The following ULK4 variants were observed in gnomAD, a reference collection of about 807,000 sequenced individuals.
The protein encoded by ULK4 is unc-51 like kinase 4.
Under a neutral mutation model 160.6 loss-of-function variants are expected in ULK4, and 133 were observed. The ratio of observed to expected loss-of-function variants is 0.83; its 90% CI spans 0.72 to 0.96. ULK4 has a LOEUF of 0.96. ULK4 is among the 40% of genes least tolerant of loss of function. ULK4 has a pLI of 0.00. For missense variants in ULK4, 1,580 were observed against 1,499.5 expected (o/e 1.05, Z -0.89); for synonymous variants, 534 against 539.8 (o/e 0.99, Z 0.15).
intron 17 of ULK4, among the ~76,000 whole-genome samples, chr3:41,862,573 T>C (rs1248496028): frequency 6.6e-6 from 1 of 152,184 alleles, no homozygotes; most frequent in Non-Finnish European, 1.5e-5. Flanking sequence ...TGAAAGGACT[T>C]GGGTGTTGTG....
chr3:41,274,830 C>T (rs577219276), intron 35 of ULK4, among the ~76,000 whole-genome samples: 7 of 152,084 alleles, frequency 4.6e-5, no homozygotes, highest in Non-Finnish European at 7.3e-5. Flanking sequence ...TCATGTATCT[C>T]GTGGATTCAT....
At chr3:41,727,477 G>A (rs1024901934) in intron 22 of ULK4, among the ~76,000 whole-genome samples, 6 of 152,170 alleles carry the variant, frequency 3.9e-5, no homozygotes, top group African/African-American at 9.7e-5. Flanking sequence ...AAAACCTCTC[G>A]ACAGGATGTC....
intron 13 of ULK4, among the ~76,000 whole-genome samples, chr3:41,900,049 T>C (rs770462145): frequency 8.5e-5 from 13 of 152,264 alleles, no homozygotes; most frequent in Non-Finnish European, 1.3e-4. Context: ...TGTGAGTATG[T>C]TGGGGAGCTG....
At chr3:41,822,797 C>T (rs1478663273) in intron 18 of ULK4, among the ~76,000 whole-genome samples, 4 of 146,260 alleles carry the variant, frequency 2.7e-5, no homozygotes, top group African/African-American at 1.0e-4. Context: ...TCTTGGCTCA[C>T]TGCAAGCTCC....
rs76191830 is a variant in ULK4 at position 41,940,375 on chromosome 3, C to A, written c.139-2178G>T. ...ATTAAAGCCTTCTTCCCTGGCAATA[C>A]GTGTCACCTCAGTGATTGGTTTTCT... On this transcript the variant is annotated intron_variant, in intron 2 of 36. Transcript: ENST00000301831. 1.2e-3 allele frequency among the ~76,000 whole-genome samples: 182 copies of A among 152,272 alleles called. 1 individual carries two copies. The East Asian group carries it at 0.024, about 20-fold the overall frequency.
chr3:41,410,502 A>G (rs1228928556), intron 34 of ULK4, among the ~76,000 whole-genome samples: 1 of 152,186 alleles, frequency 6.6e-6, no homozygotes, highest in East Asian at 1.9e-4. Context: ...GTGATTGACT[A>G]GAGTTGTAGA....
At chr3:41,475,803 C>T (rs936375123) in intron 32 of ULK4, among the ~76,000 whole-genome samples, 5 of 151,896 alleles carry the variant, frequency 3.3e-5, no homozygotes, top group Non-Finnish European at 5.9e-5. Flanking sequence ...TTCCCACATA[C>T]CATGTAAGTG....
At chr3:41,568,515 T>C (rs1691989) in intron 31 of ULK4, among the ~76,000 whole-genome samples, 85,255 of 152,102 alleles carry the variant, frequency 0.56, 26,616 homozygotes, top group Admixed American at 0.7. Flanking sequence ...TAACCTTGTC[T>C]ACCCATTTTA....
chr3:41,492,099 T>C (rs1457220827), intron 32 of ULK4, among the ~76,000 whole-genome samples: 1 of 151,048 alleles, frequency 6.6e-6, no homozygotes, highest in South Asian at 2.1e-4. Flanking sequence ...CCATGGTGTA[T>C]ATGTGACACA....
At chr3:41,799,512 T>A (rs138965644) in intron 20 of ULK4, among the ~76,000 whole-genome samples, 43 of 152,104 alleles carry the variant, frequency 2.8e-4, no homozygotes, top group Admixed American at 2.8e-3. Flanking sequence ...ACTAAAAATA[T>A]AACAAACCAA....
chr3:41,804,596 T>C (rs934473562), intron 19 of ULK4, among the ~76,000 whole-genome samples: 31 of 151,924 alleles, frequency 2.0e-4, no homozygotes, highest in African/African-American at 7.3e-4. Flanking sequence ...GGTTGTCTTC[T>C]AGGCTTTTTA....
intron 17 of ULK4, among the ~76,000 whole-genome samples, chr3:41,858,385 C>T (rs558067188): frequency 4.6e-5 from 7 of 151,758 alleles, no homozygotes; most frequent in African/African-American, 1.2e-4. Context: ...CTCCTGTCCT[C>T]GAGTGATCCA....
chr3:41,961,532 G>A (rs1700667137), intron 1 of ULK4, among the ~76,000 whole-genome samples: 1 of 144,664 alleles, frequency 6.9e-6, no homozygotes, highest in Admixed American at 7.0e-5. Context: ...CAGACTCAGG[G>A]GCGCTACGTA....
At chr3:41,279,277 AAAAC>A (rs2079303163) in intron 35 of ULK4, among the ~76,000 whole-genome samples, 3 of 91,958 alleles carry the variant, frequency 3.3e-5, no homozygotes, top group African/African-American at 2.7e-4. Context: ...AAAAAAAAAC[AAAAC>A]GACAAAGCCT....
intron 17 of ULK4, among the ~76,000 whole-genome samples, chr3:41,877,608 G>A (rs1226736238): frequency 6.6e-6 from 1 of 152,022 alleles, no homozygotes; most frequent in Non-Finnish European, 1.5e-5. Context: ...TTACAGGCAT[G>A]AGCCACCGCC....
intron 34 of ULK4, among the ~76,000 whole-genome samples, chr3:41,452,156 T>A (rs1460161682): frequency 6.6e-6 from 1 of 152,176 alleles, no homozygotes; most frequent in African/African-American, 2.4e-5. Context: ...CACAGAGCCA[T>A]CTATCTGCTC....
intron 21 of ULK4, among the ~76,000 whole-genome samples, chr3:41,765,994 G>A (rs2125912975): frequency 6.6e-6 from 1 of 152,326 alleles, no homozygotes; most frequent in East Asian, 1.9e-4. Context: ...ATTTAGGCCA[G>A]GCGTGGTGGC....
At chr3:41,714,779 G>A (rs1369911010) in intron 25 of ULK4, among the ~76,000 whole-genome samples, 1 of 150,152 alleles carries the variant, frequency 6.7e-6, no homozygotes, top group East Asian at 1.9e-4. Flanking sequence ...TTGAACCCAG[G>A]AGGCGGAGGT....
intron 35 of ULK4, among the ~76,000 whole-genome samples, chr3:41,281,448 C>T (rs979153650): frequency 3.3e-5 from 5 of 152,130 alleles, no homozygotes; most frequent in Admixed American, 6.5e-5. Context: ...GAAAGCTTTC[C>T]ACCACAATCA....
Sources: allele counts gnomAD v4.1 joint callset (sites outside exome capture counted in the v4.1 genomes callset), GRCh38; gene constraint gnomAD v4.1.1; transcripts MANE v1.5; gene names NCBI Gene and HGNC (gene_info 2026-07-23, HGNC 2026-07-21).